Variants in MYLK observed in about 807,000 individuals in gnomAD.
The protein encoded by MYLK is myosin light chain kinase, smooth muscle.
In MYLK, 106 loss-of-function variants were observed where a neutral mutation model predicts 203.4. That is an observed-to-expected ratio of 0.52 (90% CI 0.45 to 0.61). MYLK has a LOEUF of 0.61. Among genes scored for constraint, MYLK ranks in the 20% least tolerant of loss-of-function variants. The pLI is 0.00. For missense variants in MYLK, 2,072 were observed against 2,442.3 expected (o/e 0.85, Z 3.20); for synonymous variants, 867 against 959.5 (o/e 0.90, Z 1.78).
chr3:123,664,899 G>T (rs1220747240), intron 22 of MYLK, among the ~76,000 whole-genome samples: 2 of 152,198 alleles, frequency 1.3e-5, no homozygotes, highest in African/African-American at 4.8e-5. Flanking sequence ...TGATTCCATT[G>T]ATATGAAATG....
Position 123,735,545 on chromosome 3 carries a change from A to G in MYLK, c.755-129T>C, listed in dbSNP as rs112472343. ...CTCCTTCCAGCTTCCCTGGTGCTGA[A>G]CGTCTTTGGCCTTTGAACTCCCCCC... On this transcript the variant is annotated intron_variant, in intron 8 of 33. Transcript: ENST00000360304. The G allele has an allele frequency of 1.2e-3, 1,279 of 1,041,368 alleles. 14 individuals are homozygous for G. The African/African-American group carries it at 0.018, about 15-fold the overall frequency. The allele number at this position is 1,041,368 out of a possible 1,614,324, so 64.5% of individuals were successfully genotyped here. A position where few individuals can be genotyped will look rare whatever the true frequency, so the allele number is the denominator to read the frequency against.
Position 123,657,201 on chromosome 3 carries a change from G to A in MYLK, c.4213C>T (p.Arg1405Cys), listed in dbSNP as rs755248772. 1.1e-5 allele frequency: 18 copies of A among 1,614,044 alleles called. No homozygotes were observed. Among genetic ancestry groups the A allele is most frequent in the African/African-American group, 2.7e-5 (2 of 74,898 alleles). ...LPDHEYKFRV[R>C]AINVYGTSEP... ...CTGGTTCCATACACGTTGATTGCACGTACACGGAACTTATATTCGTGGTCA... is the reference window on the plus strand; with the variant it reads ...CTGGTTCCATACACGTTGATTGCACATACACGGAACTTATATTCGTGGTCA... Residue 1405 changes from arginine (R) to cysteine (C), a missense_variant, in exon 24 of 34, where the codon CGT becomes TGT. By Grantham distance (180) the Arg-to-Cys change is radical. This residue lies in a region of MYLK where 524 missense variants were observed against 782.4 expected (regional missense o/e 0.67). Coordinates refer to ENST00000360304, the MANE Select transcript of MYLK (RefSeq NM_053025.4).
intron 20 of MYLK, 55 bp downstream of exon 20, chr3:123,682,169 C>G (rs548104285): frequency 2.8e-6 from 4 of 1,432,488 alleles, no homozygotes; most frequent in Non-Finnish European, 3.9e-6. Context: ...CCTCAGTCCC[C>G]GGGGTGCCTG....
At chr3:123,757,279 T>C (rs1433586299) in intron 4 of MYLK, among the ~76,000 whole-genome samples, 1 of 152,248 alleles carries the variant, frequency 6.6e-6, no homozygotes, top group Non-Finnish European at 1.5e-5. Flanking sequence ...GCAAATTCTT[T>C]GTCCCTATAG....
chr3:123,737,362 G>A lies in MYLK; in HGVS notation c.754+16C>T, dbSNP rs377397996. The A allele has an allele frequency of 1.2e-5, 19 of 1,613,922 alleles. No individual in the cohort carries two copies. Among genetic ancestry groups the A allele is most frequent in the Middle Eastern group, 1.6e-4 (1 of 6,084 alleles). Reference sequence around the variant, plus strand: ...AGGCAGGGATCGTTCTGCACTAGCCGTCCACTGGTCGATACCTTGGATGGA... The same window carrying A: ...AGGCAGGGATCGTTCTGCACTAGCCATCCACTGGTCGATACCTTGGATGGA... On this transcript the variant is annotated intron_variant, in intron 8 of 33. Coordinates refer to ENST00000360304, the MANE Select transcript of MYLK (RefSeq NM_053025.4).
chr3:123,734,940 G>C (rs9283571), intron 9 of MYLK: 252,921 of 265,042 alleles, frequency 0.95, 121,660 homozygotes, highest in East Asian at 1. Flanking sequence ...CCTCACAGAC[G>C]CATCCCAGTT....
At chr3:123,686,281 C>T (rs1395639990) in intron 19 of MYLK, among the ~76,000 whole-genome samples, 2 of 151,916 alleles carry the variant, frequency 1.3e-5, no homozygotes, top group Non-Finnish European at 2.9e-5. Context: ...AAGTGGGGGG[C>T]CTCTACATTG....
intron 5 of MYLK, among the ~76,000 whole-genome samples, chr3:123,740,332 C>A (rs1299532829): frequency 6.6e-6 from 1 of 152,234 alleles, no homozygotes; most frequent in African/African-American, 2.4e-5. Flanking sequence ...CTAAAACTCT[C>A]AACCACCCTG....
At chr3:123,830,042 A>T (rs911095182) in intron 3 of MYLK, among the ~76,000 whole-genome samples, 5 of 152,214 alleles carry the variant, frequency 3.3e-5, no homozygotes, top group African/African-American at 1.2e-4. Context: ...AAAGTAGGTG[A>T]CTAAACAAAG....
intron 2 of MYLK, among the ~76,000 whole-genome samples, chr3:123,852,562 G>A (rs891967509): frequency 3.3e-5 from 5 of 151,934 alleles, no homozygotes; most frequent in African/African-American, 1.2e-4. Flanking sequence ...ATTTCTGTGG[G>A]ATCGGTGGTG....
chr3:123,702,261 C>A (rs1490195215), intron 16 of MYLK, among the ~76,000 whole-genome samples: 1 of 152,182 alleles, frequency 6.6e-6, no homozygotes, highest in Non-Finnish European at 1.5e-5. Flanking sequence ...CTGCCACCTG[C>A]TGGCATTTCT....
At chr3:123,829,201 A>T (rs759281826) in intron 3 of MYLK, among the ~76,000 whole-genome samples, 7 of 152,208 alleles carry the variant, frequency 4.6e-5, no homozygotes, top group Non-Finnish European at 7.4e-5. Flanking sequence ...TAGGTATCCA[A>T]CAGAAGATGA....
rs116436487 is a variant in MYLK at position 123,697,268 on chromosome 3, G to A, written c.3448+2752C>T. 8.9e-3 allele frequency among the ~76,000 whole-genome samples: 1,362 copies of A among 152,298 alleles called. 17 individuals carry two copies. The highest frequency in any genetic ancestry group is 0.031 in the African/African-American group (1,286 of 41,548). On this transcript the variant is annotated intron_variant, in intron 18 of 33. Transcript: ENST00000360304. ...GGCTCTTGAAGTCTTGGCGAGTGAA[G>A]GGACAGAAGGTGGGGCCGATTTTTT...
At chr3:123,709,134 A>AT (rs1161776768) in intron 14 of MYLK, 13,028 of 171,386 alleles carry the variant, frequency 0.076, 912 homozygotes, top group African/African-American at 0.21. Context: ...TTCTCACATA[A>AT]TTTTTTTTTT....
At chr3:123,696,204 C>G (rs1368682342) in intron 18 of MYLK, among the ~76,000 whole-genome samples, 1 of 152,114 alleles carries the variant, frequency 6.6e-6, no homozygotes, top group Non-Finnish European at 1.5e-5. Context: ...TCAGAGAAGT[C>G]CCCTGAAACC....
chr3:123,626,803 T>A lies in MYLK; in HGVS notation c.5238+15A>T. 1 of 1,614,164 alleles carries A rather than the reference T, an allele frequency of 6.2e-7. No homozygotes were observed. Among genetic ancestry groups the A allele is most frequent in the Non-Finnish European group, 8.5e-7 (1 of 1,180,008 alleles). On this transcript the variant is annotated intron_variant, in intron 31 of 33. Transcript: ENST00000360304. ...TGAGGGGCAACATCCCAGTCCAAAG[T>A]GACCCTCTCATTACCTGCCATTTCC... is the stretch of plus-strand genomic sequence containing the variant.
chr3:123,831,476 C>G (rs2066326558), intron 3 of MYLK, 72 bp downstream of exon 3: 3 of 1,274,744 alleles, frequency 2.4e-6, no homozygotes, highest in South Asian at 1.3e-5. Flanking sequence ...ACACAGCTCC[C>G]CTCTCTGCAG....
At position 123,648,840 on chromosome 3, in the gene MYLK, CCTG is replaced by C; in HGVS notation, c.4415+128_4415+130del. ...GCTTTCGTGGGTCAGTCCTTTGGATCCTGCAGGACTCTCAGTCTGGGGAGGAGG... is the reference window on the plus strand; with the variant it reads ...GCTTTCGTGGGTCAGTCCTTTGGATCCAGGACTCTCAGTCTGGGGAGGAGG... On this transcript the variant is annotated intron_variant, in intron 26 of 33. Transcript: ENST00000360304. This position sits in a 1 kb window ranked among gnomAD's most constrained non-coding sequence, Gnocchi z 4.5. 2.5e-6 allele frequency: 2 copies of C among 792,618 alleles called. No homozygotes were observed. The highest frequency in any genetic ancestry group is 1.7e-5 in the African/African-American group (1 of 59,492). 49.1% of individuals were successfully genotyped at this position (792,618 alleles called of 1,614,324 possible). A position where few individuals can be genotyped will look rare whatever the true frequency, so the allele number is the denominator to read the frequency against.
intron 5 of MYLK, 45 bp downstream of exon 5, chr3:123,752,286 C>G (rs766609416): frequency 2.5e-6 from 4 of 1,603,618 alleles, no homozygotes; most frequent in South Asian, 2.2e-5. Flanking sequence ...CTTGGGGTAA[C>G]TGAGAGCTCA....
Sources: allele counts gnomAD v4.1 joint callset (sites outside exome capture counted in the v4.1 genomes callset), GRCh38; gene constraint gnomAD v4.1.1; regional missense constraint gnomAD v4.1.1; non-coding constraint Gnocchi (gnomAD v3.1); transcripts MANE v1.5; gene names NCBI Gene and HGNC (gene_info 2026-07-23, HGNC 2026-07-21).